The following ZRANB3 variants were observed in gnomAD, a reference collection of about 807,000 sequenced individuals.
ZRANB3 encodes the protein DNA annealing helicase and endonuclease ZRANB3.
ZRANB3 carries 125 observed loss-of-function variants against 133.8 expected under a neutral mutation model. The observed-to-expected ratio is 0.93, with a 90% CI of 0.81 to 1.08. ZRANB3 has a LOEUF of 1.08. ZRANB3 is among the 50% of genes least tolerant of loss of function. The probability of loss-of-function intolerance (pLI) is 0.00; values close to 1 mark genes in which losing one functional copy is unlikely to be tolerated. For synonymous variants in ZRANB3, 387 were observed against 432.7 expected, an observed-to-expected ratio of 0.89 and a Z score of 1.31; for missense variants, 1,229 against 1,275.5, an observed-to-expected ratio of 0.96 and a Z score of 0.56.
At chr2:135,210,534 G>A (rs568120017) in intron 17 of ZRANB3, among the ~76,000 whole-genome samples, 2 of 152,204 alleles carry the variant, frequency 1.3e-5, no homozygotes, top group East Asian at 3.9e-4. Flanking sequence ...AATTTGCCAT[G>A]TTGGCCAGGC....
Position 135,200,241 on chromosome 2 carries a change from GA to G in ZRANB3, c.*100del. On this transcript the variant is annotated 3_prime_UTR_variant, in exon 21 of 21. Coordinates refer to ENST00000264159, the MANE Select transcript of ZRANB3 (RefSeq NM_032143.4). Reference sequence around the variant, plus strand: ...AATTTGAATTCTTGATTTTTGTTCTGAAAATTTTTACTCTCGATATATTAAA... The same window carrying G: ...AATTTGAATTCTTGATTTTTGTTCTGAAATTTTTACTCTCGATATATTAAA... The G allele has an allele frequency of 1.0e-6, 1 of 966,728 alleles. No homozygotes were observed. The highest frequency in any genetic ancestry group is 1.6e-6 in the Non-Finnish European group (1 of 643,390). The allele number at this position is 966,728 out of a possible 1,614,324, so 59.9% of individuals were successfully genotyped here.
intron 8 of ZRANB3, among the ~76,000 whole-genome samples, chr2:135,280,301 C>T (rs1462418997): frequency 2.0e-5 from 3 of 152,306 alleles, no homozygotes; most frequent in Admixed American, 6.5e-5. Flanking sequence ...GGCGTGGGGG[C>T]TCATGCCTGT....
At chr2:135,480,601 T>C (rs984704987) in intron 2 of ZRANB3, among the ~76,000 whole-genome samples, 4 of 152,074 alleles carry the variant, frequency 2.6e-5, no homozygotes, top group Non-Finnish European at 5.9e-5. Context: ...TACAAAGGTT[T>C]TTTTTAATCT....
At chr2:135,378,596 G>A (rs1686537025) in intron 3 of ZRANB3, among the ~76,000 whole-genome samples, 1 of 152,058 alleles carries the variant, frequency 6.6e-6, no homozygotes, top group South Asian at 2.1e-4. Flanking sequence ...AAAAAGGGGG[G>A]GAAATGAGTA....
chr2:135,262,632 T>C (rs1680020009), intron 12 of ZRANB3, among the ~76,000 whole-genome samples: 2 of 151,944 alleles, frequency 1.3e-5, no homozygotes, highest in Admixed American at 1.3e-4. Context: ...ACATAAAAAA[T>C]TAGCCAGAAA....
intron 20 of ZRANB3, 190 bp downstream of exon 20, chr2:135,202,642 A>C: frequency 1.9e-6 from 1 of 537,002 alleles, no homozygotes; most frequent in Non-Finnish European, 3.1e-6. Context: ...TGAAAAGGGA[A>C]GCAGCTTCTC....
chr2:135,489,719 C>T (rs1259280681), intron 2 of ZRANB3, among the ~76,000 whole-genome samples: 2 of 150,782 alleles, frequency 1.3e-5, no homozygotes, highest in Non-Finnish European at 3.0e-5. Context: ...TAGGAAAGTA[C>T]ACACAGGATA....
intron 3 of ZRANB3, among the ~76,000 whole-genome samples, chr2:135,374,761 C>T (rs1458270307): frequency 6.6e-6 from 1 of 152,076 alleles, no homozygotes; most frequent in Non-Finnish European, 1.5e-5. Context: ...CTTGGCCTCC[C>T]AAAGTGCTGA....
At chr2:135,277,751 C>A (rs1182748000) in intron 8 of ZRANB3, among the ~76,000 whole-genome samples, 1 of 151,736 alleles carries the variant, frequency 6.6e-6, no homozygotes, top group Non-Finnish European at 1.5e-5. Flanking sequence ...ACGGTGAAAC[C>A]CCGTCTCTAC....
chr2:135,276,757 A>T (rs980293171), intron 8 of ZRANB3, among the ~76,000 whole-genome samples: 1 of 152,196 alleles, frequency 6.6e-6, no homozygotes, highest in Admixed American at 6.5e-5. Flanking sequence ...GCAGATAATG[A>T]CTGATAACTG....
chr2:135,511,825 TAAG>T (rs1476396332), intron 1 of ZRANB3: 5 of 761,236 alleles, frequency 6.6e-6, no homozygotes, highest in Non-Finnish European at 1.2e-5. Context: ...CCCATGGACA[TAAG>T]AAGAGTTCCT....
At chr2:135,433,902 C>T (rs62172205) in intron 2 of ZRANB3, among the ~76,000 whole-genome samples, 6,056 of 152,260 alleles carry the variant, frequency 0.04, 135 homozygotes, top group African/African-American at 0.048. Context: ...GAGGCTGAGG[C>T]AGGGGAATTG....
intron 6 of ZRANB3, among the ~76,000 whole-genome samples, chr2:135,320,774 TCTCTTGTGC>T (rs1184204325): frequency 6.6e-6 from 1 of 152,192 alleles, no homozygotes; most frequent in African/African-American, 2.4e-5. Flanking sequence ...AAAGTTAGGT[TCTCTTGTGC>T]CTCTTGTAGC....
chr2:135,410,860 C>T (rs1182299689), intron 2 of ZRANB3, among the ~76,000 whole-genome samples: 2 of 152,140 alleles, frequency 1.3e-5, no homozygotes, highest in African/African-American at 2.4e-5. Context: ...TGAAAAAATG[C>T]TCAACATCAC....
chr2:135,314,555 T>C (rs1194293150), intron 7 of ZRANB3, among the ~76,000 whole-genome samples: 1 of 152,118 alleles, frequency 6.6e-6, no homozygotes, highest in Non-Finnish European at 1.5e-5. Context: ...GAGGATTAGG[T>C]AAGGATTAGT....
chr2:135,381,218 C>T (rs531746252), intron 3 of ZRANB3, among the ~76,000 whole-genome samples: 72 of 152,294 alleles, frequency 4.7e-4, no homozygotes, highest in African/African-American at 1.6e-3. Flanking sequence ...ATGCCTGGCT[C>T]GCAGGGTCCT....
At chr2:135,466,883 C>T (rs1691023490) in intron 2 of ZRANB3, among the ~76,000 whole-genome samples, 1 of 151,928 alleles carries the variant, frequency 6.6e-6, no homozygotes, top group Non-Finnish European at 1.5e-5. Flanking sequence ...CACCATGTTG[C>T]CCAGGCTGCA....
chr2:135,454,753 T>G (rs1362431182), intron 2 of ZRANB3, among the ~76,000 whole-genome samples: 3 of 152,246 alleles, frequency 2.0e-5, no homozygotes, highest in African/African-American at 7.2e-5. Context: ...TCCAGGTTGC[T>G]GCAAAAGACA....
rs112641816 is a variant in ZRANB3, at chr2:135,515,278, G to C, written c.-7-10782C>G. 3.7e-4 allele frequency among the ~76,000 whole-genome samples: 56 copies of C among 152,062 alleles called. 1 individual carries two copies. The highest frequency in any genetic ancestry group is 1.2e-3 in the African/African-American group (51 of 41,472). ...AATCTGTCTGGTCCTGGGCTGTTTT[G>C]GTTGGTAGGCTATTAATAGTTCTCT... On this transcript the variant is annotated intron_variant, in intron 1 of 20. Transcript: ENST00000264159.
Sources: allele counts gnomAD v4.1 joint callset (sites outside exome capture counted in the v4.1 genomes callset), GRCh38; gene constraint gnomAD v4.1.1; transcripts MANE v1.5; gene names NCBI Gene and HGNC (gene_info 2026-07-23, HGNC 2026-07-21).